DLG2: variants seen among roughly 807,000 people sequenced by gnomAD.
DLG2 encodes disks large homolog 2.
In DLG2, 45 loss-of-function variants were observed where a neutral mutation model predicts 132.5. That is an observed-to-expected ratio of 0.34 (90% confidence interval 0.27 to 0.44). The LOEUF (loss-of-function observed/expected upper bound fraction) is 0.44. Among genes scored for constraint, DLG2 ranks in the 20% least tolerant of loss-of-function variants. DLG2 has a pLI of 1.00. For synonymous variants in DLG2, 424 were observed against 419.6 expected (o/e 1.01, Z -0.13); for missense variants, 1,045 against 1,196.9 (o/e 0.87, Z 1.87).
At chr11:84,143,293 A>G (rs1184787714) in intron 9 of DLG2, among the ~76,000 whole-genome samples, 1 of 152,172 alleles carries the variant, frequency 6.6e-6, no homozygotes, top group African/African-American at 2.4e-5. Context: ...TTCAGGGGAG[A>G]TAACATATTA....
intron 7 of DLG2, among the ~76,000 whole-genome samples, chr11:84,363,137 G>C (rs1209357135): frequency 1.3e-5 from 2 of 151,466 alleles, no homozygotes; most frequent in African/African-American, 4.8e-5. Context: ...CAGTGTAAAA[G>C]TGTTCCTATT....
At chr11:85,120,009 T>C (rs995558792) in intron 5 of DLG2, among the ~76,000 whole-genome samples, 1 of 152,094 alleles carries the variant, frequency 6.6e-6, no homozygotes, top group Admixed American at 6.6e-5. Context: ...AATTTGCTTA[T>C]GATCTTCTTG....
intron 5 of DLG2, among the ~76,000 whole-genome samples, chr11:85,116,036 C>T (rs2073523307): frequency 6.6e-6 from 1 of 151,904 alleles, no homozygotes; most frequent in South Asian, 2.1e-4. Context: ...CTGTCTTACT[C>T]ATCCGTGAGA....
intron 8 of DLG2, among the ~76,000 whole-genome samples, chr11:84,235,185 T>C (rs2097143061): frequency 6.6e-6 from 1 of 152,192 alleles, no homozygotes; most frequent in Non-Finnish European, 1.5e-5. Flanking sequence ...CTTCAAGTTG[T>C]TCCACTTTTT....
intron 17 of DLG2, among the ~76,000 whole-genome samples, chr11:83,814,387 G>A (rs1683708067): frequency 1.3e-5 from 2 of 152,088 alleles, no homozygotes; most frequent in Non-Finnish European, 2.9e-5. Flanking sequence ...TATTCAAAAG[G>A]TTTATATATA....
At chr11:85,091,326 G>T (rs2068740617) in intron 6 of DLG2, among the ~76,000 whole-genome samples, 1 of 152,194 alleles carries the variant, frequency 6.6e-6, no homozygotes, top group Non-Finnish European at 1.5e-5. Flanking sequence ...TGCTAAGGAT[G>T]ATCTGACCCT....
chr11:85,185,885 C>T (rs1476480505), intron 4 of DLG2, among the ~76,000 whole-genome samples: 1 of 151,926 alleles, frequency 6.6e-6, no homozygotes, highest in Non-Finnish European at 1.5e-5. Flanking sequence ...ATAATTACCG[C>T]CACTTCTCTA....
intron 6 of DLG2, among the ~76,000 whole-genome samples, chr11:84,899,052 G>C (rs2090558979): frequency 1.3e-5 from 2 of 152,034 alleles, no homozygotes; most frequent in African/African-American, 4.8e-5. Context: ...GTGAATGAGT[G>C]AGTGACTTAA....
At chr11:83,914,991 A>ACC (rs2076689602) in intron 15 of DLG2, among the ~76,000 whole-genome samples, 1 of 152,154 alleles carries the variant, frequency 6.6e-6, no homozygotes. Flanking sequence ...AAACAGACAC[A>ACC]TAAAGGATGA....
intron 16 of DLG2, among the ~76,000 whole-genome samples, chr11:83,866,159 C>T (rs2062326113): frequency 6.6e-6 from 1 of 152,058 alleles, no homozygotes; most frequent in African/African-American, 2.4e-5. Context: ...TTTTCTCCCC[C>T]AGACTGAGGA....
At chr11:85,463,340 C>G (rs561745835) in intron 3 of DLG2, among the ~76,000 whole-genome samples, 1 of 152,218 alleles carries the variant, frequency 6.6e-6, no homozygotes, top group African/African-American at 2.4e-5. Context: ...CTTGAATAAT[C>G]CTCAGAATTT....
intron 6 of DLG2, among the ~76,000 whole-genome samples, chr11:84,624,932 A>C (rs1220387870): frequency 1.6e-5 from 2 of 125,506 alleles, no homozygotes; most frequent in African/African-American, 6.8e-5. Flanking sequence ...ATCTCAGCTC[A>C]CTGCAAGCTC....
At chr11:84,824,322 A>C (rs901835477) in intron 6 of DLG2, among the ~76,000 whole-genome samples, 1 of 151,946 alleles carries the variant, frequency 6.6e-6, no homozygotes, top group Admixed American at 6.6e-5. Context: ...ACAGCTACTG[A>C]TCTCTAAGAG....
intron 16 of DLG2, among the ~76,000 whole-genome samples, chr11:83,850,167 TA>T (rs1362270130): frequency 1.4e-5 from 2 of 146,670 alleles, no homozygotes; most frequent in Non-Finnish European, 3.0e-5. Context: ...TGTGTTTTTT[TA>T]CTTGAGACGG....
intron 10 of DLG2, among the ~76,000 whole-genome samples, chr11:84,067,817 T>C (rs1287390248): frequency 6.6e-6 from 1 of 152,080 alleles, no homozygotes; most frequent in Non-Finnish European, 1.5e-5. Flanking sequence ...AAATAAAAAA[T>C]AAAAGAATAA....
chr11:85,296,674 T>C (rs1218647394), intron 3 of DLG2, among the ~76,000 whole-genome samples: 5 of 151,364 alleles, frequency 3.3e-5, no homozygotes, highest in Non-Finnish European at 5.9e-5. Context: ...CACATTCCAC[T>C]GCACCAAAAG....
chr11:83,772,747 C>T (rs2094448940), intron 18 of DLG2, among the ~76,000 whole-genome samples: 1 of 152,172 alleles, frequency 6.6e-6, no homozygotes, highest in Non-Finnish European at 1.5e-5. Flanking sequence ...CTCCCCAGGC[C>T]ATTACACATT....
intron 3 of DLG2, among the ~76,000 whole-genome samples, chr11:85,392,607 T>C (rs147006256): frequency 6.6e-6 from 1 of 152,212 alleles, no homozygotes; most frequent in East Asian, 1.9e-4. Flanking sequence ...AACATGGTAT[T>C]GGTATAAAAA....
intron 6 of DLG2, among the ~76,000 whole-genome samples, chr11:84,721,970 T>A (rs1392916183): frequency 1.3e-5 from 2 of 152,224 alleles, no homozygotes; most frequent in Non-Finnish European, 2.9e-5. Flanking sequence ...AGGTAGATAT[T>A]ATTTGACATA....
Sources: allele counts gnomAD v4.1 joint callset (sites outside exome capture counted in the v4.1 genomes callset), GRCh38; gene constraint gnomAD v4.1.1; transcripts MANE v1.5; gene names NCBI Gene and HGNC (gene_info 2026-07-23, HGNC 2026-07-21).